The following GRM1 variants were observed in gnomAD, a reference collection of about 807,000 sequenced individuals.
GRM1 encodes metabotropic glutamate receptor 1.
In GRM1, 33 loss-of-function variants were observed where a neutral mutation model predicts 90.9. The observed-to-expected ratio is 0.36, with a 90% CI of 0.28 to 0.49. GRM1 has a LOEUF of 0.49. GRM1 is among the 20% of genes least tolerant of loss of function. The pLI is 0.99. For missense variants in GRM1, 1,190 were observed against 1,534.3 expected, an observed-to-expected ratio of 0.78 and a Z score of 3.75; for synonymous variants, 700 against 613.2, an observed-to-expected ratio of 1.14 and a Z score of -2.09.
At chr6:146,223,190 G>A (rs1163228135) in intron 2 of GRM1, among the ~76,000 whole-genome samples, 1 of 152,002 alleles carries the variant, frequency 6.6e-6, no homozygotes. Flanking sequence ...GCGCTATTCA[G>A]TTTTTCAAAA....
chr6:146,221,309 T>C (rs1231013644), intron 2 of GRM1, among the ~76,000 whole-genome samples: 1 of 152,112 alleles, frequency 6.6e-6, no homozygotes, highest in Non-Finnish European at 1.5e-5. Context: ...ATCCGTCACC[T>C]ACATTAGATA....
chr6:146,352,398 C>A lies in GRM1; in HGVS notation c.1335C>A (p.Ile445=). 6.2e-7 allele frequency: 1 copy of A among 1,614,032 alleles called. No homozygotes were observed. The highest frequency in any genetic ancestry group is 8.5e-7 in the Non-Finnish European group (1 of 1,179,866). ...HVGLCDAMKP[I]DGSKLLDFLI... is the part of the protein sequence containing the mutation. ...GCCTCTGCGATGCCATGAAGCCCAT[C>A]GACGGCAGCAAGCTGCTGGACTTCC... Residue 445 remains isoleucine (I), a synonymous_variant, in exon 4 of 8, where the codon ATC becomes ATA. Coordinates refer to ENST00000282753, the MANE Select transcript of GRM1 (RefSeq NM_001278064.2).
chr6:146,077,352 G>T (rs908640349), intron 1 of GRM1, among the ~76,000 whole-genome samples: 2 of 152,178 alleles, frequency 1.3e-5, no homozygotes, highest in African/African-American at 4.8e-5. Context: ...GGTACAGGAT[G>T]GTTAGCTCCA....
At chr6:146,349,145 C>T (rs1438310092) in intron 3 of GRM1, among the ~76,000 whole-genome samples, 4 of 150,500 alleles carry the variant, frequency 2.7e-5, no homozygotes, top group Non-Finnish European at 5.9e-5. Context: ...CGGCTCACTA[C>T]AAGCTCCACC....
intron 2 of GRM1, among the ~76,000 whole-genome samples, chr6:146,243,826 TG>T (rs1182306385): frequency 1.3e-5 from 2 of 152,108 alleles, no homozygotes; most frequent in Non-Finnish European, 2.9e-5. Context: ...TACGGGAGAC[TG>T]GGGCTTATTT....
chr6:146,241,284 A>G (rs1343322141), intron 2 of GRM1, among the ~76,000 whole-genome samples: 1 of 152,108 alleles, frequency 6.6e-6, no homozygotes, highest in Non-Finnish European at 1.5e-5. Flanking sequence ...CATGTATAAG[A>G]TACCGGATGC....
At chr6:146,205,432 A>C (rs1354920563) in intron 2 of GRM1, among the ~76,000 whole-genome samples, 1 of 152,192 alleles carries the variant, frequency 6.6e-6, no homozygotes, top group African/African-American at 2.4e-5. Flanking sequence ...AATATTTAGG[A>C]AGCAAATTCT....
chr6:146,351,495 A>G (rs362874), intron 3 of GRM1, among the ~76,000 whole-genome samples: 6 of 152,196 alleles, frequency 3.9e-5, no homozygotes, highest in South Asian at 2.1e-4. Flanking sequence ...TGGAGCTTAT[A>G]TCTAACACAA....
intron 2 of GRM1, 44 bp downstream of exon 2, chr6:146,159,641 T>TCTCTCTCA (rs372590505): frequency 1.5e-5 from 11 of 728,660 alleles, no homozygotes; most frequent in South Asian, 1.0e-4. Context: ...TCTCTCTCTC[T>TCTCTCTCA]CACACACACA....
Position 146,437,255 on chromosome 6 carries a change from T to C in GRM1, c.*2459T>C, listed in dbSNP as rs946699108. ...CAGATTTTTAAAAAATTAGGATAGA[T>C]AAGGAAACAACTTATATTCAAGTGT... On this transcript the variant is annotated 3_prime_UTR_variant, in exon 8 of 8. Transcript: ENST00000282753. 6.6e-6 allele frequency: 1 copy of C among 152,240 alleles called. No homozygotes were observed. Among genetic ancestry groups the C allele is most frequent in the Non-Finnish European group, 1.5e-5 (1 of 68,028 alleles). The allele number at this position is 152,240 out of a possible 1,614,324, so 9.4% of individuals were successfully genotyped here.
At chr6:146,172,749 G>A (rs998284593) in intron 2 of GRM1, among the ~76,000 whole-genome samples, 1 of 152,124 alleles carries the variant, frequency 6.6e-6, no homozygotes. Flanking sequence ...TTAGAGGGTA[G>A]GTTAGTGGTC....
At chr6:146,327,317 A>G (rs1455920788) in intron 3 of GRM1, among the ~76,000 whole-genome samples, 1 of 152,202 alleles carries the variant, frequency 6.6e-6, no homozygotes, top group Non-Finnish European at 1.5e-5. Flanking sequence ...TTGTGTTTAG[A>G]GACAAAATAG....
At chr6:146,106,163 G>A (rs1775290644) in intron 1 of GRM1, among the ~76,000 whole-genome samples, 1 of 152,100 alleles carries the variant, frequency 6.6e-6, no homozygotes, top group Non-Finnish European at 1.5e-5. Flanking sequence ...CATTTATTTA[G>A]GGGGAATTAT....
chr6:146,078,608 A>G (rs1776264570), intron 1 of GRM1, among the ~76,000 whole-genome samples: 1 of 152,322 alleles, frequency 6.6e-6, no homozygotes, highest in Non-Finnish European at 1.5e-5. Context: ...ATCACTAGAT[A>G]ATTTATAAAT....
chr6:146,067,310 C>T (rs1775880622), intron 1 of GRM1, among the ~76,000 whole-genome samples: 1 of 152,086 alleles, frequency 6.6e-6, no homozygotes, highest in South Asian at 2.1e-4. Context: ...TGATATATGC[C>T]TTAAATCTCC....
In GRM1 at chr6:146,218,123, T is replaced by C. The variant is rs562010362; in HGVS notation, c.950+58526T>C. On this transcript the variant is annotated intron_variant, in intron 2 of 7. Coordinates refer to ENST00000282753, the MANE Select transcript of GRM1 (RefSeq NM_001278064.2). Reference sequence around the variant, plus strand: ...CAGCCTGTGTGTGGAGAGCGATCACTGCTGAGCCTGATCTCTTATCCACCT... The same window carrying C: ...CAGCCTGTGTGTGGAGAGCGATCACCGCTGAGCCTGATCTCTTATCCACCT... 3.3e-5 allele frequency among the ~76,000 whole-genome samples: 5 copies of C among 152,054 alleles called. No individual in the cohort carries two copies. In the South Asian group the frequency reaches 1.0e-3, roughly 31 times the overall value.
chr6:146,069,388 T>C (rs1775954968), intron 1 of GRM1, among the ~76,000 whole-genome samples: 1 of 152,194 alleles, frequency 6.6e-6, no homozygotes, highest in Admixed American at 6.5e-5. Flanking sequence ...CTAAAGTAAC[T>C]TTTATATGTT....
At chr6:146,417,808 T>C (rs1777841211) in intron 7 of GRM1, among the ~76,000 whole-genome samples, 1 of 152,150 alleles carries the variant, frequency 6.6e-6, no homozygotes, top group Admixed American at 6.5e-5. Flanking sequence ...AATTTTAACT[T>C]TTGGCAAGTT....
chr6:146,335,386 C>G (rs1291211317), intron 3 of GRM1, among the ~76,000 whole-genome samples: 1 of 152,158 alleles, frequency 6.6e-6, no homozygotes, highest in Non-Finnish European at 1.5e-5. Context: ...AACGAAGTGA[C>G]ACAAATTAGT....
Sources: allele counts gnomAD v4.1 joint callset (sites outside exome capture counted in the v4.1 genomes callset), GRCh38; gene constraint gnomAD v4.1.1; transcripts MANE v1.5; gene names NCBI Gene and HGNC (gene_info 2026-07-23, HGNC 2026-07-21).